Variants in KHDRBS2 observed in about 807,000 individuals in gnomAD.
The protein encoded by KHDRBS2 is KH RNA binding domain containing, signal transduction associated 2.
A neutral mutation model predicts 44.3 loss-of-function variants in KHDRBS2; 26 were observed. That is an observed-to-expected ratio of 0.59 (90% CI 0.43 to 0.81). The LOEUF (loss-of-function observed/expected upper bound fraction) is 0.81. KHDRBS2 is among the 40% of genes least tolerant of loss of function. KHDRBS2 has a pLI of 0.00. For synonymous variants in KHDRBS2, 194 were observed against 151.1 expected, an observed-to-expected ratio of 1.28 and a Z score of -2.08; for missense variants, 476 against 433.1, an observed-to-expected ratio of 1.10 and a Z score of -0.88.
At chr6:61,619,598 G>A in the KHDRBS2 span, among the ~76,000 whole-genome samples, 1 of 152,092 alleles carries the variant, frequency 6.6e-6, no homozygotes, top group Non-Finnish European at 1.5e-5. Flanking sequence ...GGGATTATAG[G>A]CATGTGCCAC....
chr6:62,018,980 ATC>A (rs1781765483), intron 3 of KHDRBS2, among the ~76,000 whole-genome samples: 1 of 152,062 alleles, frequency 6.6e-6, no homozygotes, highest in South Asian at 2.1e-4. Context: ...AAAGAATTTT[ATC>A]TCTGACACTA....
chr6:62,206,549 C>A (rs1828010161), intron 1 of KHDRBS2, among the ~76,000 whole-genome samples: 1 of 151,794 alleles, frequency 6.6e-6, no homozygotes, highest in South Asian at 2.1e-4. Context: ...TGTTTAAGTA[C>A]CTTCAATAAA....
the KHDRBS2 span, among the ~76,000 whole-genome samples, chr6:61,619,588 G>A: frequency 6.6e-6 from 1 of 152,150 alleles, no homozygotes; most frequent in East Asian, 1.9e-4. Context: ...CCAAGTAGGT[G>A]GGATTATAGG....
chr6:61,884,859 G>C (rs537781171), intron 6 of KHDRBS2, among the ~76,000 whole-genome samples: 52 of 152,190 alleles, frequency 3.4e-4, no homozygotes, highest in African/African-American at 1.2e-3. Context: ...CCCCCATAGA[G>C]ATGTGTATTT....
intron 6 of KHDRBS2, among the ~76,000 whole-genome samples, chr6:61,813,279 C>G (rs1383298302): frequency 6.6e-6 from 1 of 152,060 alleles, no homozygotes; most frequent in Non-Finnish European, 1.5e-5. Context: ...TGATGGAAGA[C>G]CATCTTTTTT....
intron 6 of KHDRBS2, among the ~76,000 whole-genome samples, chr6:61,882,102 A>G (rs1014724518): frequency 5.9e-5 from 9 of 152,008 alleles, no homozygotes; most frequent in African/African-American, 2.2e-4. Context: ...TTGATACACA[A>G]TCTCTGTGAT....
intron 4 of KHDRBS2, among the ~76,000 whole-genome samples, chr6:61,933,678 CA>C (rs1182069915): frequency 6.6e-6 from 1 of 152,004 alleles, no homozygotes; most frequent in Non-Finnish European, 1.5e-5. Flanking sequence ...TAGGCAACTG[CA>C]ACACAATGGT....
chr6:61,606,698 C>T, the KHDRBS2 span, among the ~76,000 whole-genome samples: 2 of 152,092 alleles, frequency 1.3e-5, no homozygotes, highest in African/African-American at 4.8e-5. Context: ...CAGGTAGCAG[C>T]CCTCAGAAAG....
intron 6 of KHDRBS2, among the ~76,000 whole-genome samples, chr6:61,773,179 T>C (rs1018427495): frequency 1.3e-5 from 2 of 152,028 alleles, no homozygotes; most frequent in Non-Finnish European, 2.9e-5. Context: ...CTGGGTCAAA[T>C]GGTATTTCTA....
chr6:62,089,947 C>T (rs895577925), intron 2 of KHDRBS2, among the ~76,000 whole-genome samples: 3 of 151,980 alleles, frequency 2.0e-5, no homozygotes, highest in African/African-American at 2.4e-5. Context: ...ATAGTGAAGG[C>T]CAAGGAACTG....
the KHDRBS2 span, among the ~76,000 whole-genome samples, chr6:61,594,186 A>C: frequency 2.0e-5 from 3 of 152,098 alleles, no homozygotes. Flanking sequence ...AAATTGCATA[A>C]AATAAAAAAG....
In KHDRBS2 at chr6:62,153,468, C is replaced by T. The variant is rs1408777818; in HGVS notation, c.219+23717G>A. ...TTATGACAAAATAGTCAATACTTGG[C>T]TCTTAGAAAACGTTTCAGCCTTTAT... On this transcript the variant is annotated intron_variant, in intron 2 of 8. Coordinates refer to ENST00000281156, the MANE Select transcript of KHDRBS2 (RefSeq NM_152688.4). 8.1e-5 allele frequency among the ~76,000 whole-genome samples: 12 copies of T among 147,998 alleles called. No homozygotes were observed. The Admixed American group carries it at 8.2e-4, about 10-fold the overall frequency.
intron 2 of KHDRBS2, among the ~76,000 whole-genome samples, chr6:62,123,556 T>C (rs1235951508): frequency 5.3e-5 from 8 of 152,224 alleles, no homozygotes; most frequent in Admixed American, 5.2e-4. Flanking sequence ...TCCTGCCTAC[T>C]GTTTTGTAAA....
At chr6:61,958,649 G>A (rs1469122030) in intron 4 of KHDRBS2, among the ~76,000 whole-genome samples, 6 of 152,130 alleles carry the variant, frequency 3.9e-5, no homozygotes, top group Non-Finnish European at 7.4e-5. Context: ...AACACCATGA[G>A]CCTTGTTTAC....
intron 6 of KHDRBS2, among the ~76,000 whole-genome samples, chr6:61,865,960 T>C (rs1797727258): frequency 1.3e-5 from 2 of 152,200 alleles, no homozygotes; most frequent in Admixed American, 1.3e-4. Context: ...CTTTGCAAGG[T>C]AAAGCCTTCC....
At chr6:61,802,166 T>C (rs1317780763) in intron 6 of KHDRBS2, among the ~76,000 whole-genome samples, 1 of 152,104 alleles carries the variant, frequency 6.6e-6, no homozygotes, top group Non-Finnish European at 1.5e-5. Context: ...CATGACCACA[T>C]GAGCTTGAAA....
At chr6:61,767,280 C>T (rs1271621703) in intron 6 of KHDRBS2, among the ~76,000 whole-genome samples, 2 of 151,928 alleles carry the variant, frequency 1.3e-5, no homozygotes, top group East Asian at 3.9e-4. Context: ...AGCTACTCCT[C>T]CTCTTTTTTG....
At chr6:61,693,259 A>T (rs944706061) in intron 8 of KHDRBS2, among the ~76,000 whole-genome samples, 7 of 152,120 alleles carry the variant, frequency 4.6e-5, no homozygotes, top group Non-Finnish European at 8.8e-5. Flanking sequence ...TGGATATTTT[A>T]TTATAAGCAA....
At chr6:62,055,823 T>A (rs1790156468) in intron 2 of KHDRBS2, among the ~76,000 whole-genome samples, 1 of 152,032 alleles carries the variant, frequency 6.6e-6, no homozygotes, top group South Asian at 2.1e-4. Context: ...GAGTCCATTA[T>A]TCCTCGCAAG....
Sources: gnomAD v4.1 joint callset for allele counts (sites outside exome capture counted in the v4.1 genomes callset) on GRCh38, gnomAD v4.1.1 for gene constraint, MANE v1.5 for transcripts, NCBI Gene and HGNC (gene_info 2026-07-23, HGNC 2026-07-21) for gene names.